GALNTL6: variants seen among roughly 807,000 people sequenced by gnomAD.
GALNTL6 encodes polypeptide N-acetylgalactosaminyltransferase-like 6.
Under a neutral mutation model 73.7 loss-of-function variants are expected in GALNTL6, and 46 were observed. That is an observed-to-expected ratio of 0.62 (90% CI 0.49 to 0.80). The LOEUF (loss-of-function observed/expected upper bound fraction) is 0.80, where lower values mean the gene tolerates loss of function less well. Among genes scored for constraint, GALNTL6 ranks in the 30% least tolerant of loss-of-function variants. The probability of loss-of-function intolerance (pLI) is 0.00; values close to 1 mark genes in which losing one functional copy is unlikely to be tolerated. For missense variants in GALNTL6, 604 were observed against 755.0 expected (o/e 0.80, Z 2.34); for synonymous variants, 259 against 263.7 (o/e 0.98, Z 0.17).
At chr4:172,951,879 T>C (rs555338545) in intron 9 of GALNTL6, among the ~76,000 whole-genome samples, 158 bp from the exon 10 acceptor site, 1 of 152,340 alleles carries the variant, frequency 6.6e-6, no homozygotes, top group Admixed American at 6.5e-5. Context: ...TCATACCCCT[T>C]GCTGTTACTA....
chr4:172,191,337 T>C (rs1436681492), intron 2 of GALNTL6, among the ~76,000 whole-genome samples: 1 of 152,198 alleles, frequency 6.6e-6, no homozygotes, highest in Non-Finnish European at 1.5e-5. Context: ...ATCATCACCT[T>C]TCTGTTCACA....
chr4:171,934,697 T>A (rs890885387), intron 2 of GALNTL6, among the ~76,000 whole-genome samples: 3 of 152,134 alleles, frequency 2.0e-5, no homozygotes, highest in Non-Finnish European at 4.4e-5. Context: ...ATTATGGGCA[T>A]GAGCCACTGC....
At chr4:172,735,113 A>G (rs1458292206) in intron 5 of GALNTL6, among the ~76,000 whole-genome samples, 1 of 152,072 alleles carries the variant, frequency 6.6e-6, no homozygotes. Context: ...GAAGGCCACC[A>G]TCCTCCAGAC....
At chr4:172,268,832 C>A (rs1738540650) in intron 3 of GALNTL6, among the ~76,000 whole-genome samples, 1 of 152,140 alleles carries the variant, frequency 6.6e-6, no homozygotes, top group Admixed American at 6.6e-5. Context: ...ACTTCTACAA[C>A]CCAGGAAAAT....
chr4:172,623,578 C>T (rs952326081), intron 5 of GALNTL6, among the ~76,000 whole-genome samples: 1 of 152,092 alleles, frequency 6.6e-6, no homozygotes, highest in African/African-American at 2.4e-5. Context: ...AACCAAGTTA[C>T]AGTTGTGTTT....
chr4:172,614,868 A>G (rs1168727226), intron 5 of GALNTL6, among the ~76,000 whole-genome samples: 1 of 152,140 alleles, frequency 6.6e-6, no homozygotes, highest in Admixed American at 6.6e-5. Context: ...CACCTCTGGG[A>G]TATGTTTGAT....
chr4:172,710,243 A>T (rs905467223), intron 5 of GALNTL6, among the ~76,000 whole-genome samples: 5 of 152,158 alleles, frequency 3.3e-5, no homozygotes, highest in African/African-American at 4.8e-5. Context: ...AACTGGAACA[A>T]CATTCTAAAA....
intron 7 of GALNTL6, among the ~76,000 whole-genome samples, chr4:172,859,151 A>G (rs1350608154): frequency 2.0e-5 from 3 of 152,174 alleles, no homozygotes; most frequent in African/African-American, 7.2e-5. Flanking sequence ...ACCAACTTCA[A>G]CGAAAATGGA....
chr4:172,007,802 C>T (rs1015243327), intron 2 of GALNTL6, among the ~76,000 whole-genome samples: 2 of 152,112 alleles, frequency 1.3e-5, no homozygotes, highest in African/African-American at 4.8e-5. Context: ...AGGATATCTC[C>T]CCTTTTCTGT....
At chr4:172,017,468 G>A (rs7688137) in intron 2 of GALNTL6, among the ~76,000 whole-genome samples, 5,810 of 152,146 alleles carry the variant, frequency 0.038, 164 homozygotes, top group Non-Finnish European at 0.062. Flanking sequence ...TCCATGCTGC[G>A]TTCTTCTGGG....
chr4:172,024,992 CAATA>C (rs916161304), intron 2 of GALNTL6, among the ~76,000 whole-genome samples: 13 of 151,926 alleles, frequency 8.6e-5, no homozygotes, highest in African/African-American at 3.1e-4. Context: ...TAAATCTTTC[CAATA>C]AATGTGATTC....
chr4:171,992,402 G>A (rs1050228222), intron 2 of GALNTL6, among the ~76,000 whole-genome samples: 1 of 151,930 alleles, frequency 6.6e-6, no homozygotes, highest in African/African-American at 2.4e-5. Context: ...CTATATAAAT[G>A]AAAGTCACTT....
chr4:172,364,314 TG>T (rs1742480340), intron 5 of GALNTL6, among the ~76,000 whole-genome samples: 1 of 152,098 alleles, frequency 6.6e-6, no homozygotes, highest in Non-Finnish European at 1.5e-5. Context: ...CTAGTTACTC[TG>T]GAGGCTGTGG....
chr4:172,613,600 G>A (rs984491522), intron 5 of GALNTL6, among the ~76,000 whole-genome samples: 2 of 151,892 alleles, frequency 1.3e-5, no homozygotes, highest in African/African-American at 4.8e-5. Context: ...TTTAAAAAAG[G>A]AAAAACCTAT....
intron 2 of GALNTL6, among the ~76,000 whole-genome samples, chr4:172,163,852 A>G (rs1041448243): frequency 6.6e-6 from 1 of 152,004 alleles, no homozygotes; most frequent in Non-Finnish European, 1.5e-5. Flanking sequence ...ACAAACAGAC[A>G]CAGGTACACG....
intron 11 of GALNTL6, 97 bp from the exon 12 acceptor site, chr4:173,021,379 G>T: frequency 8.2e-7 from 1 of 1,217,642 alleles, no homozygotes; most frequent in Non-Finnish European, 1.2e-6. Context: ...CACAAAGCAG[G>T]AGTTCTACAT....
chr4:171,901,460 T>C (rs1372436467), intron 2 of GALNTL6, among the ~76,000 whole-genome samples: 1 of 152,152 alleles, frequency 6.6e-6, no homozygotes, highest in Admixed American at 6.5e-5. Context: ...AGGGAAACAA[T>C]TACAACTGAG....
At chr4:172,420,421 C>G (rs1400287551) in intron 5 of GALNTL6, among the ~76,000 whole-genome samples, 1 of 152,160 alleles carries the variant, frequency 6.6e-6, no homozygotes, top group Non-Finnish European at 1.5e-5. Flanking sequence ...ACAAGCACCA[C>G]ATGGTAGTTC....
intron 8 of GALNTL6, among the ~76,000 whole-genome samples, chr4:172,887,913 T>C (rs1484287788): frequency 6.6e-6 from 1 of 152,186 alleles, no homozygotes; most frequent in African/African-American, 2.4e-5. Context: ...TGAGATGGTA[T>C]CTCATTGTAG....
Sources: allele counts gnomAD v4.1 joint callset (sites outside exome capture counted in the v4.1 genomes callset), GRCh38; gene constraint gnomAD v4.1.1; transcripts MANE v1.5; gene names NCBI Gene and HGNC (gene_info 2026-07-23, HGNC 2026-07-21).